The following KCNH7 variants were observed in gnomAD, a reference collection of about 807,000 sequenced individuals.
KCNH7 encodes the protein potassium voltage-gated channel subfamily H member 7, also known as voltage-gated inwardly rectifying potassium channel KCNH7.
KCNH7 carries 49 observed loss-of-function variants against 120.8 expected under a neutral mutation model. The observed-to-expected ratio is 0.41, with a 90% confidence interval of 0.32 to 0.51. The LOEUF (loss-of-function observed/expected upper bound fraction) is 0.51, where lower values mean the gene tolerates loss of function less well. Among genes scored for constraint, KCNH7 ranks in the 20% least tolerant of loss-of-function variants. KCNH7 has a pLI of 0.38. For missense variants in KCNH7, 1,097 were observed against 1,446.6 expected, an observed-to-expected ratio of 0.76 and a Z score of 3.92; for synonymous variants, 547 against 516.1, an observed-to-expected ratio of 1.06 and a Z score of -0.81.
intron 4 of KCNH7, among the ~76,000 whole-genome samples, chr2:162,516,602 CAA>C (rs955007839): frequency 1.3e-5 from 2 of 151,662 alleles, no homozygotes; most frequent in African/African-American, 4.8e-5. Flanking sequence ...GTTTTAAAGA[CAA>C]AACTAGCAGT....
intron 6 of KCNH7, among the ~76,000 whole-genome samples, chr2:162,481,357 T>C (rs1689924652): frequency 6.6e-6 from 1 of 152,172 alleles, no homozygotes; most frequent in Non-Finnish European, 1.5e-5. Context: ...CTTTACAAAT[T>C]AGGAATCCAA....
rs35494887 is a variant in KCNH7, at chr2:162,621,252, CTT to C, written c.308-84174_308-84173del. ...TGCTTCACAATCTGGGTATCATCAT[CTT>C]TTTTTTTTTTTTTTTTTTTTTTTAA... On this transcript the variant is annotated intron_variant, in intron 2 of 15. Transcript: ENST00000332142. Among the ~76,000 whole-genome samples the C allele has an allele frequency of 3.5e-3, 181 of 52,084 alleles. 1 individual carries two copies. The highest frequency in any genetic ancestry group is 0.013 in the African/African-American group (166 of 12,342). 34.2% of individuals were successfully genotyped at this position (52,084 alleles called of 152,430 possible). A position where few individuals can be genotyped will look rare whatever the true frequency, so the allele number is the denominator to read the frequency against.
At chr2:162,395,600 G>A (rs1371996822) in intron 11 of KCNH7, among the ~76,000 whole-genome samples, 1 of 151,584 alleles carries the variant, frequency 6.6e-6, no homozygotes, top group Non-Finnish European at 1.5e-5. Context: ...TCAGAATGAG[G>A]GTGGTGACAT....
At chr2:162,543,768 G>A (rs1325855348) in intron 2 of KCNH7, among the ~76,000 whole-genome samples, 1 of 152,034 alleles carries the variant, frequency 6.6e-6, no homozygotes, top group African/African-American at 2.4e-5. Context: ...AAGGAAGGGA[G>A]GAGAGAGAGT....
intron 13 of KCNH7, among the ~76,000 whole-genome samples, chr2:162,382,493 T>C (rs1273059802): frequency 6.6e-6 from 1 of 152,098 alleles, no homozygotes; most frequent in Admixed American, 6.6e-5. Context: ...TCTGGAAATG[T>C]ATGAACAGAA....
At chr2:162,600,382 T>G (rs1694511871) in intron 2 of KCNH7, among the ~76,000 whole-genome samples, 1 of 152,076 alleles carries the variant, frequency 6.6e-6, no homozygotes, top group Non-Finnish European at 1.5e-5. Context: ...GGCACCCCAC[T>G]TTGACATTCA....
chr2:162,412,633 T>C (rs770696323), intron 9 of KCNH7, among the ~76,000 whole-genome samples: 8 of 152,276 alleles, frequency 5.3e-5, no homozygotes, highest in Non-Finnish European at 1.2e-4. Flanking sequence ...TTATGGAGTA[T>C]TTTTAGCAGG....
chr2:162,476,418 G>A (rs918202660), intron 6 of KCNH7, among the ~76,000 whole-genome samples: 21 of 152,176 alleles, frequency 1.4e-4, no homozygotes, highest in Middle Eastern at 3.4e-3. Flanking sequence ...TCATTATCCT[G>A]AAACTATCAT....
intron 2 of KCNH7, among the ~76,000 whole-genome samples, chr2:162,635,360 A>C (rs764624714): frequency 2.0e-5 from 3 of 152,084 alleles, no homozygotes; most frequent in Non-Finnish European, 2.9e-5. Flanking sequence ...TAATAATAAT[A>C]GGTCCCCAAG....
chr2:162,392,229 TA>T (rs962279504), intron 12 of KCNH7, among the ~76,000 whole-genome samples: 1 of 151,968 alleles, frequency 6.6e-6, no homozygotes, highest in African/African-American at 2.4e-5. Flanking sequence ...TTGACTTTGA[TA>T]AAAAAAGTAA....
intron 2 of KCNH7, among the ~76,000 whole-genome samples, chr2:162,828,722 A>G (rs16847408): frequency 1.3e-5 from 2 of 152,092 alleles, no homozygotes; most frequent in African/African-American, 4.8e-5. Context: ...CACGTGGCTC[A>G]GGGAACCTCA....
At chr2:162,831,647 T>C (rs1047711746) in intron 2 of KCNH7, among the ~76,000 whole-genome samples, 1 of 152,166 alleles carries the variant, frequency 6.6e-6, no homozygotes, top group African/African-American at 2.4e-5. Context: ...AGATTATTTA[T>C]ACCAAACAAC....
At chr2:162,753,030 A>AGAGAAAAGAAGAGAAAAGAAAAG (rs1688656002) in intron 2 of KCNH7, among the ~76,000 whole-genome samples, 1 of 140,040 alleles carries the variant, frequency 7.1e-6, no homozygotes, top group Non-Finnish European at 1.5e-5. Context: ...AAAGAAAAGA[A>AGAGAAAAGAAGAGAAAAGAAAAG]ACCCTGACTA....
chr2:162,419,940 C>A (rs1244470120), intron 9 of KCNH7, among the ~76,000 whole-genome samples: 1 of 152,048 alleles, frequency 6.6e-6, no homozygotes, highest in Non-Finnish European at 1.5e-5. Context: ...CATTGAGATG[C>A]TATCAGTTCT....
At chr2:162,664,601 G>T (rs530237651) in intron 2 of KCNH7, among the ~76,000 whole-genome samples, 2 of 152,252 alleles carry the variant, frequency 1.3e-5, no homozygotes, top group Admixed American at 1.3e-4. Context: ...GACTTGGTGA[G>T]AAGAGGAAGG....
At chr2:162,624,779 C>G (rs11885289) in intron 2 of KCNH7, among the ~76,000 whole-genome samples, 7 of 151,538 alleles carry the variant, frequency 4.6e-5, no homozygotes, top group African/African-American at 1.7e-4. Context: ...AAGCTGTCTC[C>G]TAACCTCTAA....
chr2:162,723,969 T>G (rs1299080385), intron 2 of KCNH7, among the ~76,000 whole-genome samples: 7 of 152,206 alleles, frequency 4.6e-5, no homozygotes, highest in African/African-American at 1.7e-4. Context: ...TTGAAAGAGT[T>G]AGAATGAAAA....
intron 2 of KCNH7, among the ~76,000 whole-genome samples, chr2:162,582,738 T>C (rs905682945): frequency 2.3e-4 from 35 of 152,054 alleles, no homozygotes; most frequent in Non-Finnish European, 3.7e-4. Context: ...GTTCAAACAA[T>C]TGGACTGGGA....
chr2:162,715,560 A>G (rs1353696596), intron 2 of KCNH7, among the ~76,000 whole-genome samples: 1 of 152,208 alleles, frequency 6.6e-6, no homozygotes, highest in Non-Finnish European at 1.5e-5. Context: ...GCTTCTTTGA[A>G]CAAGATGTTG....
Sources: allele counts gnomAD v4.1 joint callset (sites outside exome capture counted in the v4.1 genomes callset), GRCh38; gene constraint gnomAD v4.1.1; transcripts MANE v1.5; gene names NCBI Gene and HGNC (gene_info 2026-07-23, HGNC 2026-07-21).